Variants in FAM120A observed in about 807,000 individuals in gnomAD.
The protein encoded by FAM120A is family with sequence similarity 120 member A.
Under a neutral mutation model 109.7 loss-of-function variants are expected in FAM120A, and 15 were observed. The observed-to-expected ratio is 0.14, with a 90% CI of 0.09 to 0.21. The LOEUF is 0.21. Ranked by LOEUF, FAM120A falls within the 10% of genes least tolerant of loss-of-function variation. The pLI, the probability that FAM120A is intolerant of heterozygous loss-of-function variation, is 1.00. For missense variants in FAM120A, 899 were observed against 1,439.3 expected (o/e 0.62, Z 6.07); for synonymous variants, 493 against 572.8 (o/e 0.86, Z 1.99).
rs1357398105 is a variant in FAM120A at position 93,452,069 on chromosome 9, A to G, written c.154A>G (p.Asn52Asp). 1.9e-6 allele frequency: 3 copies of G among 1,599,830 alleles called. No homozygotes were observed. Among genetic ancestry groups the G allele is most frequent in the Non-Finnish European group, 2.6e-6 (3 of 1,174,120 alleles). ...GCTGCGCCTGCTGGTGGACGCCGAC[A>G]ACTGCCTGCACCGCCTCTACGGCGG... ...TPLRLLVDADNCLHRLYGGFY... is the reference protein window; with the variant it reads ...TPLRLLVDADDCLHRLYGGFY... The change falls in exon 1 of 18, where the codon AAC becomes GAC. Residue 52 changes from asparagine (N) to aspartate (D), a missense_variant. Transcript: ENST00000277165. This position sits in a 1 kb window ranked among gnomAD's most constrained non-coding sequence, Gnocchi z 7.0.
rs10761232 is a variant in FAM120A at position 93,529,743 on chromosome 9, A to T, written c.1734+163A>T. 0.32 allele frequency: 218,458 copies of T among 686,448 alleles called. 37,550 individuals are homozygous for T. The highest frequency in any genetic ancestry group is 0.45 in the East Asian group (16,793 of 36,942). 42.5% of individuals were successfully genotyped at this position (686,448 alleles called of 1,614,324 possible). ...TCTAAACATTGAATGAAAGATGAAC[A>T]TTTATAACTGTAAATAGTTTTAAAA... On this transcript the variant is annotated intron_variant, in intron 9 of 17. Transcript: ENST00000277165.
At chr9:93,537,457 T>A (rs936034443) in intron 10 of FAM120A, among the ~76,000 whole-genome samples, 1 of 152,222 alleles carries the variant, frequency 6.6e-6, no homozygotes, top group East Asian at 1.9e-4. Context: ...CTTTTGTTTC[T>A]TGCCTCCCAT....
chr9:93,455,493 T>A (rs1857511003), intron 1 of FAM120A, among the ~76,000 whole-genome samples: 1 of 152,140 alleles, frequency 6.6e-6, no homozygotes, highest in African/African-American at 2.4e-5. Flanking sequence ...CATATGATAA[T>A]TTTTTTAAGA....
At chr9:93,453,666 T>C (rs1486014444) in intron 1 of FAM120A, 2 of 980,196 alleles carry the variant, frequency 2.0e-6, no homozygotes, top group African/African-American at 3.5e-5. Flanking sequence ...GCCGGCAGAG[T>C]CCCGATTGGC....
At chr9:93,467,873 T>C (rs117513351) in intron 1 of FAM120A, among the ~76,000 whole-genome samples, 8 of 152,066 alleles carry the variant, frequency 5.3e-5, no homozygotes, top group Non-Finnish European at 1.2e-4. Context: ...TGTTTTTTTG[T>C]ATTTTTTTTG....
intron 1 of FAM120A, among the ~76,000 whole-genome samples, chr9:93,469,360 C>T (rs1342380644): frequency 1.3e-5 from 2 of 152,128 alleles, no homozygotes; most frequent in East Asian, 1.9e-4. Flanking sequence ...TCTAGATCTC[C>T]TTGGAGGAGT....
chr9:93,508,661 G>A (rs956930064), intron 5 of FAM120A, among the ~76,000 whole-genome samples: 1 of 152,158 alleles, frequency 6.6e-6, no homozygotes, highest in Non-Finnish European at 1.5e-5. Context: ...CTGGCCATGG[G>A]GATCCTGCCC....
intron 3 of FAM120A, among the ~76,000 whole-genome samples, chr9:93,484,047 T>TC (rs1858931752): frequency 6.6e-6 from 1 of 152,064 alleles, no homozygotes; most frequent in Admixed American, 6.5e-5. Flanking sequence ...TCTTTTTTTT[T>TC]TTTTAAGAGA....
In FAM120A at chr9:93,516,097, A is replaced by G. The variant is rs1021681998; in HGVS notation, c.1246A>G (p.Asn416Asp). 16 of 1,613,270 alleles carry G rather than the reference A, an allele frequency of 9.9e-6. No individual in the cohort carries two copies. Among genetic ancestry groups the G allele is most frequent in the Non-Finnish European group, 1.2e-5 (14 of 1,179,748 alleles). ...GAGCGGGAAGAATCTGACGGAGCAG[A>G]ACAGCTACAGCAACATTCCTCACGA... ...DTSGKNLTEQNSYSNIPHEGK... is the reference protein window; with the variant it reads ...DTSGKNLTEQDSYSNIPHEGK... The change falls in exon 7 of 18, where the codon AAC becomes GAC. Residue 416 changes from asparagine to aspartate, a missense_variant. Physicochemically the swap from Asn to Asp is conservative, Grantham distance 23 (BLOSUM62 1). Transcript: ENST00000277165.
At chr9:93,480,303 AATGAG>A (rs1251915154) in intron 3 of FAM120A, among the ~76,000 whole-genome samples, 1 of 152,200 alleles carries the variant, frequency 6.6e-6, no homozygotes, top group Non-Finnish European at 1.5e-5. Flanking sequence ...TCAATTCTAT[AATGAG>A]AGAAAGAAAA....
chr9:93,528,549 GGT>G (rs1861183728), intron 8 of FAM120A, among the ~76,000 whole-genome samples: 1 of 152,100 alleles, frequency 6.6e-6, no homozygotes, highest in South Asian at 2.1e-4. Context: ...CCATCACTGT[GGT>G]AATAATCTGG....
chr9:93,483,511 A>G (rs929096294), intron 3 of FAM120A, among the ~76,000 whole-genome samples: 2 of 152,100 alleles, frequency 1.3e-5, no homozygotes, highest in Non-Finnish European at 2.9e-5. Flanking sequence ...ACTGTTTTAG[A>G]TAGAAGCCTA....
intron 11 of FAM120A, among the ~76,000 whole-genome samples, chr9:93,549,349 T>A (rs752111249): frequency 6.6e-6 from 1 of 152,240 alleles, no homozygotes; most frequent in Non-Finnish European, 1.5e-5. Flanking sequence ...TAAATTGGGA[T>A]AATTATTGTT....
rs753480185 is a variant in FAM120A at position 93,532,364 on chromosome 9, C to T, written c.1909+35C>T. The T allele has an allele frequency of 6.2e-6, 10 of 1,604,608 alleles. No homozygotes were observed. The highest frequency in any genetic ancestry group is 2.2e-5 in the South Asian group (2 of 90,680). On this transcript the variant is annotated intron_variant, in intron 10 of 17. Transcript: ENST00000277165. This position sits in a 1 kb window ranked among gnomAD's most constrained non-coding sequence, Gnocchi z 4.3. ...GTAACAATCCATTGTTTGTTTTCCT[C>T]GGTACCTCGTAATCTCTTGTGCATT... is the stretch of plus-strand genomic sequence containing the variant.
intron 7 of FAM120A, among the ~76,000 whole-genome samples, chr9:93,517,278 T>TAAA (rs1860642377): frequency 6.6e-6 from 1 of 152,250 alleles, no homozygotes. Flanking sequence ...ATAAAATTAA[T>TAAA]AAATGTTTAT....
chr9:93,528,207 T>C (rs1245798083), intron 8 of FAM120A, among the ~76,000 whole-genome samples: 1 of 152,244 alleles, frequency 6.6e-6, no homozygotes, highest in Non-Finnish European at 1.5e-5. Flanking sequence ...TACATCTGTA[T>C]TCTTATGGAA....
At chr9:93,502,821 A>C (rs1211490072) in intron 5 of FAM120A, among the ~76,000 whole-genome samples, 1 of 152,230 alleles carries the variant, frequency 6.6e-6, no homozygotes, top group Non-Finnish European at 1.5e-5. Context: ...AGCACAAATA[A>C]GATATGTGAT....
intron 15 of FAM120A, 92 bp from the exon 16 acceptor site, chr9:93,561,016 CA>C (rs1862446549): frequency 2.1e-6 from 3 of 1,433,746 alleles, no homozygotes; most frequent in Admixed American, 1.9e-5. Flanking sequence ...AAATATAAAC[CA>C]AAACTGAAAA....
chr9:93,516,878 C>T (rs181925089), intron 7 of FAM120A, among the ~76,000 whole-genome samples: 1 of 152,306 alleles, frequency 6.6e-6, no homozygotes, highest in Non-Finnish European at 1.5e-5. Context: ...AATTTGCACT[C>T]CTCCCTTTCT....
Sources: allele counts gnomAD v4.1 joint callset (sites outside exome capture counted in the v4.1 genomes callset), GRCh38; gene constraint gnomAD v4.1.1; non-coding constraint Gnocchi (gnomAD v3.1); transcripts MANE v1.5; gene names NCBI Gene and HGNC (gene_info 2026-07-23, HGNC 2026-07-21).